NEMP2: variants seen among roughly 807,000 people sequenced by gnomAD.
NEMP2 encodes the protein nuclear envelope integral membrane protein 2, also known as UPF0571 transmembrane protein.
NEMP2 carries 53 observed loss-of-function variants against 54.2 expected under a neutral mutation model. The observed-to-expected ratio is 0.98, with a 90% CI of 0.78 to 1.23. The LOEUF (loss-of-function observed/expected upper bound fraction) is 1.23. Ranked by LOEUF, NEMP2 falls within the 50% of genes most tolerant of loss-of-function variation. The pLI is 0.00. For missense variants in NEMP2, 455 were observed against 511.3 expected (o/e 0.89, Z 1.06); for synonymous variants, 197 against 190.3 (o/e 1.04, Z -0.29).
chr2:190,517,422 A>G lies in NEMP2; in HGVS notation c.612+98T>C, dbSNP rs1169540463. On this transcript the variant is annotated intron_variant, in intron 5 of 8. Coordinates refer to ENST00000409150, the MANE Select transcript of NEMP2 (RefSeq NM_001142645.2). Reference sequence around the variant, plus strand: ...TACATAATGAAGAAACATAATTTAAATTAGAACCTATCATAATGTGAATTA... The same window carrying G: ...TACATAATGAAGAAACATAATTTAAGTTAGAACCTATCATAATGTGAATTA... 8 of 841,148 alleles carry G rather than the reference A, an allele frequency of 9.5e-6. No homozygotes were observed. The East Asian group carries it at 2.3e-4, about 24-fold the overall frequency. The allele number at this position is 841,148 out of a possible 1,614,324, so 52.1% of individuals were successfully genotyped here.
chr2:190,634,092 A>G, the NEMP2 span, among the ~76,000 whole-genome samples: 1 of 152,222 alleles, frequency 6.6e-6, no homozygotes, highest in Non-Finnish European at 1.5e-5. This position sits in a 1 kb window ranked among gnomAD's most constrained non-coding sequence, Gnocchi z 6.8. Context: ...GAAAAGTATC[A>G]AATGTCTGTT....
In NEMP2 at chr2:190,513,747, T is replaced by C. The variant is rs768278575; in HGVS notation, c.953+706A>G. Among the ~76,000 whole-genome samples, 4 of 152,238 alleles carry C rather than the reference T, an allele frequency of 2.6e-5. No individual in the cohort carries two copies. Among genetic ancestry groups the C allele is most frequent in the East Asian group, 1.9e-4 (1 of 5,206 alleles). Reference sequence around the variant, plus strand: ...TTCTTTAAGATTCAGCGTAGTAATATCTCTCCAGGAAAGCTCTCCTGGCTT... The same window carrying C: ...TTCTTTAAGATTCAGCGTAGTAATACCTCTCCAGGAAAGCTCTCCTGGCTT... On this transcript the variant is annotated intron_variant, in intron 7 of 8. Transcript: ENST00000409150. The surrounding 1 kb of genome is among the most constrained non-coding windows in gnomAD (Gnocchi z 5.3).
chr2:190,568,441 T>C, the NEMP2 span, among the ~76,000 whole-genome samples: 1 of 152,024 alleles, frequency 6.6e-6, no homozygotes, highest in Non-Finnish European at 1.5e-5. This position sits in a 1 kb window ranked among gnomAD's most constrained non-coding sequence, Gnocchi z 4.7. Flanking sequence ...CCTGGGAAAA[T>C]AGGAATTTGT....
chr2:190,606,318 G>A, the NEMP2 span, among the ~76,000 whole-genome samples: 1 of 152,264 alleles, frequency 6.6e-6, no homozygotes, highest in South Asian at 2.1e-4. Flanking sequence ...CCAGCTCTGC[G>A]GCACACTAGC....
At chr2:190,497,692 C>G in the NEMP2 span, 1 of 1,614,026 alleles carries the variant, frequency 6.2e-7, no homozygotes, top group Non-Finnish European at 8.5e-7. This position sits in a 1 kb window ranked among gnomAD's most constrained non-coding sequence, Gnocchi z 5.2. Context: ...CAAGAGACAA[C>G]CGTGCTTCTG....
the NEMP2 span, among the ~76,000 whole-genome samples, chr2:190,446,664 A>C: frequency 1.3e-5 from 2 of 152,180 alleles, no homozygotes; most frequent in African/African-American, 4.8e-5. Flanking sequence ...ACGAACTAGA[A>C]ATTCCAAGTT....
chr2:190,452,124 C>G, the NEMP2 span, among the ~76,000 whole-genome samples: 14 of 151,044 alleles, frequency 9.3e-5, no homozygotes, highest in African/African-American at 3.4e-4. Context: ...GGTAAATAAT[C>G]TAGATGAAAA....
At chr2:190,526,901 GAGAA>G (rs1187047907) in intron 1 of NEMP2, among the ~76,000 whole-genome samples, 2 of 152,118 alleles carry the variant, frequency 1.3e-5, no homozygotes, top group African/African-American at 2.4e-5. Context: ...ACATAACTGA[GAGAA>G]AGAGAGATAT....
Position 190,528,908 on chromosome 2 carries a change from C to A in NEMP2, c.98-3530G>T, listed in dbSNP as rs1691042135. Among the ~76,000 whole-genome samples the A allele has an allele frequency of 6.6e-6, 1 of 152,192 alleles. No individual in the cohort carries two copies. The highest frequency in any genetic ancestry group is 2.1e-4 in the South Asian group (1 of 4,828). On this transcript the variant is annotated intron_variant, in intron 1 of 8. Transcript: ENST00000409150. This position sits in a 1 kb window ranked among gnomAD's most constrained non-coding sequence, Gnocchi z 4.3. ...CATAGGAATAAATGCTTCTCTCTTACCCAAGCCACATTCCTCTTGCACTAG... is the reference window on the plus strand; with the variant it reads ...CATAGGAATAAATGCTTCTCTCTTAACCAAGCCACATTCCTCTTGCACTAG...
At chr2:190,500,537 A>G (rs889571064), downstream of NEMP2, 5 of 291,832 alleles carry the variant, frequency 1.7e-5, no homozygotes, top group Non-Finnish European at 2.6e-5. This position sits in a 1 kb window ranked among gnomAD's most constrained non-coding sequence, Gnocchi z 5.3. Flanking sequence ...CGGCAGTTAC[A>G]CTAAGTAAGT....
chr2:190,558,470 TA>T, the NEMP2 span, among the ~76,000 whole-genome samples: 1 of 152,118 alleles, frequency 6.6e-6, no homozygotes, highest in African/African-American at 2.4e-5. The surrounding 1 kb of genome is among the most constrained non-coding windows in gnomAD (Gnocchi z 4.4). Flanking sequence ...TAAAGGATAA[TA>T]AAAAAAATTC....
chr2:190,476,042 A>G, the NEMP2 span, among the ~76,000 whole-genome samples: 7 of 152,186 alleles, frequency 4.6e-5, no homozygotes, highest in Non-Finnish European at 2.9e-5. Context: ...CCTTCCTTAC[A>G]CCTTATACAG....
the NEMP2 span, among the ~76,000 whole-genome samples, chr2:190,485,107 T>G: frequency 6.6e-6 from 1 of 152,178 alleles, no homozygotes; most frequent in East Asian, 1.9e-4. This position sits in a 1 kb window ranked among gnomAD's most constrained non-coding sequence, Gnocchi z 5.1. Flanking sequence ...GCATCCTGAC[T>G]TAAGTCATCC....
the NEMP2 span, among the ~76,000 whole-genome samples, chr2:190,559,982 T>G: frequency 3.9e-5 from 6 of 152,178 alleles, no homozygotes; most frequent in Non-Finnish European, 7.4e-5. The surrounding 1 kb of genome is among the most constrained non-coding windows in gnomAD (Gnocchi z 4.0). Context: ...GCAGTTCTGG[T>G]CAGGTCTCCA....
chr2:190,520,889 A>C lies in NEMP2; in HGVS notation c.214-1706T>G, dbSNP rs1264656137. ...CCTTCTCCTGCTCCTTACCCTCCTA[A>C]TATCCTCAATCTCTTTTTAGCCACC... is the stretch of plus-strand genomic sequence containing the variant. On this transcript the variant is annotated intron_variant, in intron 2 of 8. Transcript: ENST00000409150. The surrounding 1 kb of genome is among the most constrained non-coding windows in gnomAD (Gnocchi z 5.4). 6.6e-6 allele frequency among the ~76,000 whole-genome samples: 1 copy of C among 151,846 alleles called. No individual in the cohort carries two copies. The highest frequency in any genetic ancestry group is 1.5e-5 in the Non-Finnish European group (1 of 67,974).
chr2:190,538,646 A>T (rs1300069818), upstream of NEMP2, among the ~76,000 whole-genome samples: 5 of 151,586 alleles, frequency 3.3e-5, no homozygotes, highest in African/African-American at 7.3e-5. This position sits in a 1 kb window ranked among gnomAD's most constrained non-coding sequence, Gnocchi z 4.1. Context: ...TGTCTTTTTG[A>T]TTAAAAAAAA....
intron 5 of NEMP2, among the ~76,000 whole-genome samples, chr2:190,517,259 C>T (rs186694174): frequency 9.9e-4 from 150 of 151,826 alleles, no homozygotes; most frequent in African/African-American, 3.5e-3. Flanking sequence ...AGCTTCCTAT[C>T]ACTCAAGAAA....
the NEMP2 span, among the ~76,000 whole-genome samples, chr2:190,577,094 G>A: frequency 1.3e-5 from 2 of 152,150 alleles, no homozygotes; most frequent in Admixed American, 6.5e-5. The surrounding 1 kb of genome is among the most constrained non-coding windows in gnomAD (Gnocchi z 4.8). Flanking sequence ...GACTGTGTTC[G>A]GGAATCAGTA....
the NEMP2 span, among the ~76,000 whole-genome samples, chr2:190,455,820 A>G: frequency 6.6e-6 from 1 of 151,642 alleles, no homozygotes; most frequent in Non-Finnish European, 1.5e-5. Flanking sequence ...GGAAAAAACT[A>G]TATCAGTTAC....
Sources: gnomAD v4.1 joint callset for allele counts (sites outside exome capture counted in the v4.1 genomes callset) on GRCh38, gnomAD v4.1.1 for gene constraint, Gnocchi (gnomAD v3.1) non-coding constraint, MANE v1.5 for transcripts, NCBI Gene and HGNC (gene_info 2026-07-23, HGNC 2026-07-21) for gene names.